RTN1: variants seen among roughly 807,000 people sequenced by gnomAD.
RTN1 encodes reticulon 1.
Under a neutral mutation model 65.5 loss-of-function variants are expected in RTN1, and 25 were observed. The ratio of observed to expected loss-of-function variants is 0.38; its 90% CI spans 0.28 to 0.53. The LOEUF (loss-of-function observed/expected upper bound fraction) is 0.53. Among genes scored for constraint, RTN1 ranks in the 20% least tolerant of loss-of-function variants. The probability of loss-of-function intolerance (pLI) is 0.79; values close to 1 mark genes in which losing one functional copy is unlikely to be tolerated. For missense variants in RTN1, 983 were observed against 1,025.4 expected, an observed-to-expected ratio of 0.96 and a Z score of 0.57; for synonymous variants, 471 against 447.6, an observed-to-expected ratio of 1.05 and a Z score of -0.66.
chr14:59,607,472 G>A lies in RTN1; in HGVS notation c.1786C>T (p.Arg596Trp), dbSNP rs745946902. 7.5e-6 allele frequency: 12 copies of A among 1,608,076 alleles called. No individual in the cohort carries two copies. The highest frequency in any genetic ancestry group is 3.4e-5 in the Admixed American group (2 of 59,304). The change falls in exon 4 of 9, where the codon CGG (arginine) becomes TGG (tryptophan). Residue 596 changes from arginine (R) to tryptophan (W), a missense_variant. Around this residue, in one of 2 missense-constraint regions of RTN1, gnomAD observed 165 missense variants for 223.6 expected, o/e 0.74. Transcript: ENST00000267484. ...ACGATGCCCGTCTGCTTGATGTCCCGCCAATACAACAGGTCAATAGCTGCA... is the reference window on the plus strand; with the variant it reads ...ACGATGCCCGTCTGCTTGATGTCCCACCAATACAACAGGTCAATAGCTGCA... ...KQKAIDLLYWRDIKQTGIVFG... is the reference protein window; with the variant it reads ...KQKAIDLLYWWDIKQTGIVFG...
intron 1 of RTN1, among the ~76,000 whole-genome samples, chr14:59,793,901 G>C (rs79521348): frequency 0.012 from 1,894 of 152,134 alleles, 36 homozygotes; most frequent in African/African-American, 0.043. Flanking sequence ...TTGCCCCCAT[G>C]CCACAGTGCA....
chr14:59,683,701 AG>A (rs1566684176), intron 3 of RTN1, among the ~76,000 whole-genome samples: 2 of 152,122 alleles, frequency 1.3e-5, no homozygotes, highest in Non-Finnish European at 2.9e-5. Flanking sequence ...GGTCCCTTGA[AG>A]GGCTTCTTTC....
chr14:59,727,755 C>T lies in RTN1; in HGVS notation c.1016-87G>A, dbSNP rs531011091. 5.5e-6 allele frequency: 8 copies of T among 1,461,974 alleles called. No individual in the cohort carries two copies. Among genetic ancestry groups the T allele is most frequent in the Non-Finnish European group, 7.2e-6 (8 of 1,106,648 alleles). 90.6% of individuals were successfully genotyped at this position (1,461,974 alleles called of 1,614,324 possible). A position where few individuals can be genotyped will look rare whatever the true frequency, so the allele number is the denominator to read the frequency against. On this transcript the variant is annotated intron_variant, in intron 2 of 8. Coordinates refer to ENST00000267484, the MANE Select transcript of RTN1 (RefSeq NM_021136.3). This position sits in a 1 kb window ranked among gnomAD's most constrained non-coding sequence, Gnocchi z 4.2. ...GAGAGAGGAGGGATAAAACAAAATT[C>T]CATTAGGCGAGATGTTTTGTCGTTG...
chr14:59,659,162 A>T (rs1883188010), intron 3 of RTN1, among the ~76,000 whole-genome samples: 2 of 152,146 alleles, frequency 1.3e-5, no homozygotes, highest in African/African-American at 4.8e-5. Flanking sequence ...GAATGAAATA[A>T]AGTGTGAAGA....
intron 3 of RTN1, among the ~76,000 whole-genome samples, chr14:59,617,921 G>A (rs938576741): frequency 6.6e-6 from 1 of 152,176 alleles, no homozygotes; most frequent in African/African-American, 2.4e-5. Flanking sequence ...AGAAGCCAGA[G>A]CAATCAATGG....
At chr14:59,755,203 G>A (rs1011321966) in intron 1 of RTN1, among the ~76,000 whole-genome samples, 1 of 152,030 alleles carries the variant, frequency 6.6e-6, no homozygotes. Context: ...TATACAAAAA[G>A]GTTTTCTGAG....
At chr14:59,770,025 A>G (rs1164574564) in intron 1 of RTN1, among the ~76,000 whole-genome samples, 6 of 152,186 alleles carry the variant, frequency 3.9e-5, no homozygotes, top group Non-Finnish European at 8.8e-5. Flanking sequence ...ACTGTCACGT[A>G]TAGTTGACAC....
intron 1 of RTN1, among the ~76,000 whole-genome samples, chr14:59,860,344 A>G (rs1404750427): frequency 6.6e-6 from 1 of 152,232 alleles, no homozygotes; most frequent in Admixed American, 6.5e-5. Context: ...TGAGCCTTCA[A>G]GTTCACAGAA....
At chr14:59,787,314 T>C (rs889974112) in intron 1 of RTN1, among the ~76,000 whole-genome samples, 1 of 152,132 alleles carries the variant, frequency 6.6e-6, no homozygotes, top group African/African-American at 2.4e-5. Flanking sequence ...TGCTTCTTAC[T>C]AGATGTAGAG....
At chr14:59,660,942 C>A (rs1162592978) in intron 3 of RTN1, among the ~76,000 whole-genome samples, 1 of 151,802 alleles carries the variant, frequency 6.6e-6, no homozygotes, top group Non-Finnish European at 1.5e-5. Flanking sequence ...CCAAAGAATC[C>A]AGGAGCTGTT....
At chr14:59,669,055 C>T (rs1224779266) in intron 3 of RTN1, among the ~76,000 whole-genome samples, 5 of 152,068 alleles carry the variant, frequency 3.3e-5, no homozygotes, top group Non-Finnish European at 7.4e-5. Context: ...GGCGATTCCT[C>T]AAGGATCTAG....
intron 3 of RTN1, among the ~76,000 whole-genome samples, chr14:59,720,721 C>CAAAAAAAAAAACAAAAAAA (rs1884629293): frequency 7.5e-6 from 1 of 133,872 alleles, no homozygotes; most frequent in Non-Finnish European, 1.6e-5. Flanking sequence ...GACCCTATCT[C>CAAAAAAAAAAACAAAAAAA]AAAAAAAAAA....
intron 3 of RTN1, among the ~76,000 whole-genome samples, chr14:59,649,223 G>A: frequency 6.6e-6 from 1 of 152,034 alleles, no homozygotes; most frequent in East Asian, 1.9e-4. Flanking sequence ...AACTGAAACT[G>A]GACACCTTCC....
chr14:59,640,644 G>A (rs1882757731), intron 3 of RTN1, among the ~76,000 whole-genome samples: 1 of 152,042 alleles, frequency 6.6e-6, no homozygotes, highest in Non-Finnish European at 1.5e-5. Flanking sequence ...TATGTTGTCA[G>A]TTTCTTGGCA....
chr14:59,822,883 T>G (rs957279726), intron 1 of RTN1, among the ~76,000 whole-genome samples: 2 of 152,116 alleles, frequency 1.3e-5, no homozygotes, highest in South Asian at 2.1e-4. Context: ...ATTTGGGTTT[T>G]TTTTTTTTTA....
chr14:59,809,139 C>G (rs2764652), intron 1 of RTN1, among the ~76,000 whole-genome samples: 1 of 152,094 alleles, frequency 6.6e-6, no homozygotes, highest in Non-Finnish European at 1.5e-5. Context: ...TGTCATAAGT[C>G]AGATAAAATG....
intron 3 of RTN1, among the ~76,000 whole-genome samples, chr14:59,627,264 A>C (rs1882423831): frequency 6.6e-6 from 1 of 152,228 alleles, no homozygotes; most frequent in African/African-American, 2.4e-5. Flanking sequence ...TCATTGAGGA[A>C]AAAGCCATCA....
chr14:59,682,821 A>G (rs534808307), intron 3 of RTN1, among the ~76,000 whole-genome samples: 33 of 152,326 alleles, frequency 2.2e-4, no homozygotes, highest in Non-Finnish European at 1.5e-5. Flanking sequence ...TAGGGAATAT[A>G]GTTAGTCCCA....
At chr14:59,796,149 C>T (rs1371046460) in intron 1 of RTN1, among the ~76,000 whole-genome samples, 1 of 152,134 alleles carries the variant, frequency 6.6e-6, no homozygotes, top group Non-Finnish European at 1.5e-5. Context: ...CATTTCTATA[C>T]TTAGATACAC....
Sources: allele counts gnomAD v4.1 joint callset (sites outside exome capture counted in the v4.1 genomes callset), GRCh38; gene constraint gnomAD v4.1.1; regional missense constraint gnomAD v4.1.1; non-coding constraint Gnocchi (gnomAD v3.1); transcripts MANE v1.5; gene names NCBI Gene and HGNC (gene_info 2026-07-23, HGNC 2026-07-21).